The following TLN1 variants were observed in gnomAD, a reference collection of about 807,000 sequenced individuals.
The protein encoded by TLN1 is talin 1.
In TLN1, 56 loss-of-function variants were observed where a neutral mutation model predicts 292.3. The observed-to-expected ratio is 0.19, with a 90% CI of 0.15 to 0.24. TLN1 has a LOEUF of 0.24. Among genes scored for constraint, TLN1 ranks in the 10% least tolerant of loss-of-function variants. TLN1 has a pLI of 1.00. For synonymous variants in TLN1, 1,119 were observed against 1,253.7 expected, an observed-to-expected ratio of 0.89 and a Z score of 2.27; for missense variants, 2,433 against 3,248.2, an observed-to-expected ratio of 0.75 and a Z score of 6.10.
intron 33 of TLN1, among the ~76,000 whole-genome samples, chr9:35,709,886 CAAAAA>C (rs546437173): frequency 1.6e-4 from 2 of 12,848 alleles, no homozygotes; most frequent in Non-Finnish European, 3.0e-4. Flanking sequence ...AACTCGGTCT[CAAAAA>C]AAAAAAAAAA....
At chr9:35,716,267 T>C (rs1825781548) in intron 20 of TLN1, 123 bp downstream of exon 20, 1 of 1,105,734 alleles carries the variant, frequency 9.0e-7, no homozygotes, top group African/African-American at 1.6e-5. Context: ...TGAGTGCTCC[T>C]ATATTTGTCC....
chr9:35,714,117 C>T lies in TLN1; in HGVS notation c.3121-36G>A, dbSNP rs1825733610. 6.2e-7 allele frequency: 1 copy of T among 1,610,916 alleles called. No homozygotes were observed. The highest frequency in any genetic ancestry group is 1.1e-5 in the South Asian group (1 of 91,026). Reference sequence around the variant, plus strand: ...AAAGGGGTTTTGGGTGTAGAAGGTCCTGCTGTGTCTCACCAATGCCTCTGA... The same window carrying T: ...AAAGGGGTTTTGGGTGTAGAAGGTCTTGCTGTGTCTCACCAATGCCTCTGA... On this transcript the variant is annotated intron_variant, in intron 24 of 56. Coordinates refer to ENST00000314888, the MANE Select transcript of TLN1 (RefSeq NM_006289.4). This position sits in a 1 kb window ranked among gnomAD's most constrained non-coding sequence, Gnocchi z 4.6.
At position 35,711,803 on chromosome 9, in the gene TLN1, A is replaced by G; in HGVS notation, c.3682-11T>C. The G allele has an allele frequency of 6.2e-7, 1 of 1,613,874 alleles. No homozygotes were observed. ...AGTGCTAGGAGGAAGCTGCAAGGTG[A>G]GAGGGGAAGTCAGACAGAAGAGTGG... On this transcript the variant is annotated splice_polypyrimidine_tract_variant and intron_variant, in intron 28 of 56. Transcript: ENST00000314888.
At position 35,721,710 on chromosome 9, in the gene TLN1, T is replaced by C; in HGVS notation, c.1042A>G (p.Ile348Val). The change falls in exon 10 of 57, where the codon ATC becomes GTC. Residue 348 changes from isoleucine to valine, a missense_variant. This residue lies in a region of TLN1 where 57 missense variants were observed against 136.5 expected (regional missense o/e 0.42). Transcript: ENST00000314888. Reference protein sequence around the residue: ...MRVDEKTKEVIQEWNLTNIKR... With the variant: ...MRVDEKTKEVVQEWNLTNIKR... ...ATGTTGGTGAGGTTCCACTCCTGGA[T>C]CACTTCCTTGGTCTTCTCATCCACT... is the stretch of plus-strand genomic sequence containing the variant. The C allele has an allele frequency of 6.2e-7, 1 of 1,614,168 alleles. No homozygotes were observed.
At chr9:35,726,143 A>C (rs889005406) in intron 1 of TLN1, among the ~76,000 whole-genome samples, 16 of 152,110 alleles carry the variant, frequency 1.1e-4, no homozygotes, top group Non-Finnish European at 1.8e-4. Flanking sequence ...CGATCTCCTG[A>C]CCTCGTGATC....
At chr9:35,729,254 T>C (rs1826028932) in intron 1 of TLN1, among the ~76,000 whole-genome samples, 1 of 152,230 alleles carries the variant, frequency 6.6e-6, no homozygotes, top group South Asian at 2.1e-4. Flanking sequence ...GCCCAAGCTT[T>C]CTCCACTACG....
Position 35,719,611 on chromosome 9 carries a change from C to T in TLN1, c.1595G>A (p.Arg532His), listed in dbSNP as rs1825845879. Residue 532 changes from arginine (R) to histidine (H), a missense_variant, in exon 15 of 57, where the codon CGT (arginine) becomes CAT (histidine). Arg to His is a conservative substitution (Grantham distance 29). Coordinates refer to ENST00000314888, the MANE Select transcript of TLN1 (RefSeq NM_006289.4). The surrounding 1 kb of genome is among the most constrained non-coding windows in gnomAD (Gnocchi z 4.6). ...LGQDAASKAW[R>H]KNKMDESKHE... ...CTTTGATTCATCCATCTTGTTTTTACGCCAGGCCTTAGAGGCCTGAAAGAG... is the reference window on the plus strand; with the variant it reads ...CTTTGATTCATCCATCTTGTTTTTATGCCAGGCCTTAGAGGCCTGAAAGAG... 6 of 1,614,202 alleles carry T rather than the reference C, an allele frequency of 3.7e-6. No individual in the cohort carries two copies. Among genetic ancestry groups the T allele is most frequent in the South Asian group, 2.2e-5 (2 of 91,090 alleles).
chr9:35,699,850 G>A lies in TLN1; in HGVS notation c.6768+124C>T, dbSNP rs557410953. The A allele has an allele frequency of 1.1e-5, 12 of 1,127,102 alleles. No homozygotes were observed. The South Asian group carries it at 1.8e-4, about 17-fold the overall frequency. 69.8% of individuals were successfully genotyped at this position (1,127,102 alleles called of 1,614,324 possible). A position where few individuals can be genotyped will look rare whatever the true frequency, so the allele number is the denominator to read the frequency against. ...GAGACTTGGAAAGGAGAACAGATTT[G>A]GGAAGTAGAGGGTGGGGTAGGGAGG... On this transcript the variant is annotated intron_variant, in intron 50 of 56. Coordinates refer to ENST00000314888, the MANE Select transcript of TLN1 (RefSeq NM_006289.4). This position sits in a 1 kb window ranked among gnomAD's most constrained non-coding sequence, Gnocchi z 4.0.
In TLN1 at chr9:35,725,589, T is replaced by C. The variant is rs764353381; in HGVS notation, c.106A>G (p.Ile36Val). ...YDACRIIRER[I>V]PEAPAGPPSD... ...CGAGGACCAGCTGGGGCCTCTGGGA[T>C]CCGCTCACGAATGATGCGGCAGGCG... The change falls in exon 2 of 57, where the codon ATC (isoleucine) becomes GTC (valine). Residue 36 changes from isoleucine (I) to valine (V), a missense_variant. Ile to Val is a conservative substitution (Grantham distance 29). Around this residue, in one of 7 missense-constraint regions of TLN1, gnomAD observed 155 missense variants for 287.9 expected, o/e 0.54. Transcript: ENST00000314888. 6.2e-7 allele frequency: 1 copy of C among 1,613,540 alleles called. No homozygotes were observed.
rs1825529899 is a variant in TLN1, at chr9:35,704,651, A to C, written c.5880+18T>G. On this transcript the variant is annotated intron_variant, in intron 44 of 56. Coordinates refer to ENST00000314888, the MANE Select transcript of TLN1 (RefSeq NM_006289.4). The surrounding 1 kb of genome is among the most constrained non-coding windows in gnomAD (Gnocchi z 6.9). ...GTTTGGAGGCAGTCCCACCATCTGC[A>C]GGGATGAGCACCGTCACCTTCTCAG... 6.2e-7 allele frequency: 1 copy of C among 1,613,254 alleles called. No individual in the cohort carries two copies. The highest frequency in any genetic ancestry group is 8.5e-7 in the Non-Finnish European group (1 of 1,179,778).
Position 35,700,198 on chromosome 9 carries a change from G to C in TLN1, c.6653C>G (p.Ala2218Gly). 1 of 1,601,276 alleles carries C rather than the reference G, an allele frequency of 6.2e-7. No individual in the cohort carries two copies. The highest frequency in any genetic ancestry group is 8.6e-7 in the Non-Finnish European group (1 of 1,169,260). ...SRRAIADMLR[A>G]CKEAAYHPEV... ...TGCCTCAAGGATTTCTACCTTGCAA[G>C]CCCGAAGCATATCTGCAATAGCACG... Residue 2218 changes from alanine (A) to glycine (G), a missense_variant, in exon 49 of 57, where the codon GCT becomes GGT. Ala to Gly is a moderately conservative substitution (Grantham distance 60). Transcript: ENST00000314888.
chr9:35,717,390 C>T lies in TLN1; in HGVS notation c.2214G>A (p.Glu738=), dbSNP rs1825805864. The change falls in exon 19 of 57, where the codon GAG becomes GAA. Residue 738 remains glutamate (E), a synonymous_variant. Transcript: ENST00000314888. This position sits in a 1 kb window ranked among gnomAD's most constrained non-coding sequence, Gnocchi z 4.7. Reference sequence around the variant, plus strand: ...CGGCTTTGGCTACCAGTCGTCCAGCCTCCACCAGTTGCTCTTGGCAGACAG... The same window carrying T: ...CGGCTTTGGCTACCAGTCGTCCAGCTTCCACCAGTTGCTCTTGGCAGACAG... ...SSPVCQEQLV[E]AGRLVAKAVE... The T allele has an allele frequency of 1.9e-6, 3 of 1,614,062 alleles. No homozygotes were observed. The highest frequency in any genetic ancestry group is 1.3e-5 in the African/African-American group (1 of 74,944).
chr9:35,729,848 G>C (rs188690603), intron 1 of TLN1, among the ~76,000 whole-genome samples: 2 of 151,904 alleles, frequency 1.3e-5, no homozygotes, highest in Admixed American at 6.6e-5. Flanking sequence ...CTGTGGTTAC[G>C]GGATGTGGTT....
chr9:35,707,589 GAGGCTAGGTGGTC>G lies in TLN1; in HGVS notation c.4633-114_4633-102del, dbSNP rs1028855520. Reference sequence around the variant, plus strand: ...TCCTGGGACTTACAGGATTTGGGGAGAGGCTAGGTGGTCAGTCTGAATAGAAAGAGCTTGGGCT... The same window carrying G: ...TCCTGGGACTTACAGGATTTGGGGAGAGTCTGAATAGAAAGAGCTTGGGCT... On this transcript the variant is annotated intron_variant, in intron 35 of 56. Coordinates refer to ENST00000314888, the MANE Select transcript of TLN1 (RefSeq NM_006289.4). This position sits in a 1 kb window ranked among gnomAD's most constrained non-coding sequence, Gnocchi z 5.6. 3.8e-6 allele frequency: 6 copies of G among 1,574,110 alleles called. No homozygotes were observed. In the African/African-American group the frequency reaches 6.8e-5, roughly 18 times the overall value.
Position 35,714,946 on chromosome 9 carries a change from G to A in TLN1, c.2755-70C>T, listed in dbSNP as rs1825751633. ...CCCAGCCCAGTCCCTGGCCTACCTT[G>A]CCCAGGTTATGCCTCAAGGACGTAT... On this transcript the variant is annotated intron_variant, in intron 21 of 56. Transcript: ENST00000314888. The surrounding 1 kb of genome is among the most constrained non-coding windows in gnomAD (Gnocchi z 4.6). The A allele has an allele frequency of 3.7e-6, 6 of 1,608,086 alleles. No homozygotes were observed. The African/African-American group carries it at 4.0e-5, about 11-fold the overall frequency.
intron 48 of TLN1, among the ~76,000 whole-genome samples, chr9:35,700,966 A>G (rs972958709): frequency 2.2e-4 from 33 of 152,204 alleles, no homozygotes; most frequent in African/African-American, 8.0e-4. Context: ...AAATAAATAA[A>G]CAAGCAGCAA....
In TLN1 at chr9:35,716,556, CCT is replaced by C; in HGVS notation, c.2459-2_2459-1del. On this transcript the variant is annotated splice_acceptor_variant, in intron 19 of 56. Coordinates refer to ENST00000314888, the MANE Select transcript of TLN1 (RefSeq NM_006289.4). LOFTEE classifies it high-confidence loss of function. ...GATGCGGGCCTGTCGCACCATCTCC[CCT>C]GAGAGCATAGGGCACAGTCAGGCGA... 1.9e-6 allele frequency: 3 copies of C among 1,613,746 alleles called. No homozygotes were observed. Among genetic ancestry groups the C allele is most frequent in the Admixed American group, 1.7e-5 (1 of 60,010 alleles).
In TLN1 at chr9:35,706,572, A is replaced by G. The variant is rs1825569017; in HGVS notation, c.5089-21T>C. On this transcript the variant is annotated intron_variant, in intron 38 of 56. Transcript: ENST00000314888. This position sits in a 1 kb window ranked among gnomAD's most constrained non-coding sequence, Gnocchi z 4.2. ...AAGGCCTGGGGAGGAAGTGGACATT[A>G]GCCCTGATGGTGACCTGCAATAGGA... 6.2e-7 allele frequency: 1 copy of G among 1,612,318 alleles called. No individual in the cohort carries two copies. The highest frequency in any genetic ancestry group is 8.5e-7 in the Non-Finnish European group (1 of 1,178,738).
Position 35,724,035 on chromosome 9 carries a change from G to T in TLN1, c.699C>A (p.Asp233Glu). 6.2e-7 allele frequency: 1 copy of T among 1,614,036 alleles called. No individual in the cohort carries two copies. Among genetic ancestry groups the T allele is most frequent in the Non-Finnish European group, 8.5e-7 (1 of 1,179,938 alleles). Residue 233 changes from aspartate to glutamate, a missense_variant, in exon 7 of 57, where the codon GAC becomes GAA. Coordinates refer to ENST00000314888, the MANE Select transcript of TLN1 (RefSeq NM_006289.4). The surrounding 1 kb of genome is among the most constrained non-coding windows in gnomAD (Gnocchi z 4.7). ...ILNGSHPVSF[D>E]KACEFAGFQC... Reference sequence around the variant, plus strand: ...GGAAGCCAGCAAACTCACAGGCCTTGTCAAAGGAGACAGGGTGGGAGCCAT... The same window carrying T: ...GGAAGCCAGCAAACTCACAGGCCTTTTCAAAGGAGACAGGGTGGGAGCCAT...
Sources: allele counts gnomAD v4.1 joint callset (sites outside exome capture counted in the v4.1 genomes callset), GRCh38; gene constraint gnomAD v4.1.1; regional missense constraint gnomAD v4.1.1; non-coding constraint Gnocchi (gnomAD v3.1); transcripts MANE v1.5; gene names NCBI Gene and HGNC (gene_info 2026-07-23, HGNC 2026-07-21).